The following PEBP4 variants were observed in gnomAD, a reference collection of about 807,000 sequenced individuals.
PEBP4 encodes phosphatidylethanolamine binding protein 4, also known as phosphatidylethanolamine-binding protein 4.
In PEBP4, 22 loss-of-function variants were observed where a neutral mutation model predicts 23.9. The observed-to-expected ratio is 0.92, with a 90% confidence interval of 0.66 to 1.31. The LOEUF is 1.31. PEBP4 is among the 40% of genes most tolerant of loss of function. The pLI, the probability that PEBP4 is intolerant of heterozygous loss-of-function variation, is 0.00. For missense variants in PEBP4, 324 were observed against 281.7 expected, an observed-to-expected ratio of 1.15 and a Z score of -1.07; for synonymous variants, 112 against 99.3, an observed-to-expected ratio of 1.13 and a Z score of -0.76.
chr8:22,854,204 A>C (rs1807597138), intron 3 of PEBP4, among the ~76,000 whole-genome samples: 1 of 152,198 alleles, frequency 6.6e-6, no homozygotes, highest in Non-Finnish European at 1.5e-5. Context: ...CCTCTAGGTA[A>C]GTGAGGAGCT....
chr8:22,795,957 G>C (rs1400463516), intron 4 of PEBP4, among the ~76,000 whole-genome samples: 1 of 152,194 alleles, frequency 6.6e-6, no homozygotes, highest in East Asian at 1.9e-4. Context: ...CGAAATGTGA[G>C]AATTTCTGAG....
At chr8:22,723,281 T>C (rs376301011) in intron 6 of PEBP4, among the ~76,000 whole-genome samples, 4 of 152,228 alleles carry the variant, frequency 2.6e-5, no homozygotes, top group East Asian at 1.9e-4. Context: ...CTCAGGCCAC[T>C]GTGGTTTCTG....
chr8:22,798,515 CA>C (rs1563219728), intron 4 of PEBP4: 1 of 153,378 alleles, frequency 6.5e-6, no homozygotes, highest in Non-Finnish European at 1.5e-5. Flanking sequence ...TGCTCACCTG[CA>C]TGCCCATTCC....
chr8:22,849,411 G>T (rs753352781), intron 3 of PEBP4, among the ~76,000 whole-genome samples: 2 of 152,192 alleles, frequency 1.3e-5, no homozygotes, highest in South Asian at 4.1e-4. Context: ...GCACAGGCAG[G>T]GAAAGGAAAG....
intron 4 of PEBP4, among the ~76,000 whole-genome samples, chr8:22,815,367 T>G (rs1374255216): frequency 6.6e-6 from 1 of 152,194 alleles, no homozygotes; most frequent in East Asian, 1.9e-4. Context: ...CAGCTGCATT[T>G]TAACAAGCTC....
chr8:22,830,674 C>T lies in PEBP4; in HGVS notation c.259-12939G>A, dbSNP rs118173303. Among the ~76,000 whole-genome samples the T allele has an allele frequency of 8.8e-4, 134 of 152,146 alleles. 2 individuals are homozygous for T. The East Asian group carries it at 0.021, about 24-fold the overall frequency. On this transcript the variant is annotated intron_variant, in intron 3 of 6. Transcript: ENST00000256404. ...GCATCTGGAAATGCAAACTAGAAAC[C>T]GGGGCACCATCTTTACCATGTTCCT... is the stretch of plus-strand genomic sequence containing the variant.
At chr8:22,732,984 C>T (rs1804770724) in intron 4 of PEBP4, among the ~76,000 whole-genome samples, 1 of 152,190 alleles carries the variant, frequency 6.6e-6, no homozygotes, top group Non-Finnish European at 1.5e-5. Context: ...AGACTGTCTT[C>T]CCAGACTTGT....
intron 4 of PEBP4, among the ~76,000 whole-genome samples, chr8:22,774,146 AG>A (rs1805770219): frequency 6.6e-6 from 1 of 152,244 alleles, no homozygotes; most frequent in Admixed American, 6.5e-5. Flanking sequence ...TCCTGAAGGA[AG>A]GAGGCCAGGG....
At chr8:22,905,736 C>A (rs1476182502) in intron 3 of PEBP4, among the ~76,000 whole-genome samples, 1 of 152,220 alleles carries the variant, frequency 6.6e-6, no homozygotes, top group Non-Finnish European at 1.5e-5. Context: ...GCTGCTCCCA[C>A]CTCACAGGTC....
chr8:22,722,780 T>G (rs66480518), intron 6 of PEBP4, among the ~76,000 whole-genome samples: 55,812 of 150,054 alleles, frequency 0.37, 11,127 homozygotes, highest in African/African-American at 0.52. Flanking sequence ...ATTTTTTTTT[T>G]TTTGTTTTTT....
At chr8:22,794,278 C>A (rs752897810) in intron 4 of PEBP4, among the ~76,000 whole-genome samples, 1 of 146,130 alleles carries the variant, frequency 6.8e-6, no homozygotes, top group Non-Finnish European at 1.5e-5. Context: ...TTCAACAACC[C>A]TGTGAGAGGT....
intron 3 of PEBP4, chr8:22,897,757 C>T: frequency 6.6e-6 from 1 of 152,174 alleles, no homozygotes; most frequent in East Asian, 1.9e-4. Context: ...TACTCATCTC[C>T]TAAACCTGCT....
At chr8:22,747,185 A>G (rs776756234) in intron 4 of PEBP4, among the ~76,000 whole-genome samples, 8 of 152,224 alleles carry the variant, frequency 5.3e-5, no homozygotes, top group Non-Finnish European at 1.0e-4. Context: ...ATTTAATTTG[A>G]ATTAATTTAA....
chr8:22,789,127 C>A (rs757673716), intron 4 of PEBP4, among the ~76,000 whole-genome samples: 3 of 151,684 alleles, frequency 2.0e-5, no homozygotes, highest in Non-Finnish European at 4.4e-5. Flanking sequence ...CATTTTTTTT[C>A]TTTTCTTGGC....
chr8:22,933,286 A>G (rs1206768241), intron 1 of PEBP4, among the ~76,000 whole-genome samples: 1 of 152,224 alleles, frequency 6.6e-6, no homozygotes, highest in Non-Finnish European at 1.5e-5. Flanking sequence ...TACAGTTGAG[A>G]CATACAACAG....
chr8:22,808,945 G>A (rs1806558539), intron 4 of PEBP4, among the ~76,000 whole-genome samples: 1 of 152,166 alleles, frequency 6.6e-6, no homozygotes, highest in African/African-American at 2.4e-5. Flanking sequence ...CAAGTCTGAT[G>A]CCCACTGGTG....
chr8:22,777,834 T>C (rs1010434671), intron 4 of PEBP4, among the ~76,000 whole-genome samples: 1 of 152,154 alleles, frequency 6.6e-6, no homozygotes, highest in Non-Finnish European at 1.5e-5. Context: ...CTGGGGAGGC[T>C]GAGGGCGTGT....
rs532233256 is a variant in PEBP4, at chr8:22,722,426, A to T, written c.517+2417T>A. 3.3e-5 allele frequency among the ~76,000 whole-genome samples: 5 copies of T among 152,282 alleles called. No homozygotes were observed. In the South Asian group the frequency reaches 1.0e-3, roughly 32 times the overall value. ...ACTAACTAGAGAGAGGGGAGTCCAG[A>T]TTGCCTCACTCTACAATAAAACACC... On this transcript the variant is annotated intron_variant, in intron 6 of 6. Coordinates refer to ENST00000256404, the MANE Select transcript of PEBP4 (RefSeq NM_144962.3).
chr8:22,748,555 C>T lies in PEBP4; in HGVS notation c.358-21335G>A, dbSNP rs112236577. ...TCCTTAGGCTCCACTTGCTCTTCTC[C>T]CCTCCCCAGCATTCTTCTGTACTAG... On this transcript the variant is annotated intron_variant, in intron 4 of 6. Transcript: ENST00000256404. Among the ~76,000 whole-genome samples the T allele has an allele frequency of 4.3e-3, 656 of 151,748 alleles. 5 individuals carry two copies. Among genetic ancestry groups the T allele is most frequent in the African/African-American group, 0.015 (602 of 41,320 alleles).
Sources: gnomAD v4.1 joint callset for allele counts (sites outside exome capture counted in the v4.1 genomes callset) on GRCh38, gnomAD v4.1.1 for gene constraint, MANE v1.5 for transcripts, NCBI Gene and HGNC (gene_info 2026-07-23, HGNC 2026-07-21) for gene names.